PRAG1: variants seen among roughly 807,000 people sequenced by gnomAD.
The protein encoded by PRAG1 is inactive tyrosine-protein kinase PRAG1.
Under a neutral mutation model 95.6 loss-of-function variants are expected in PRAG1, and 110 were observed. The observed-to-expected ratio is 1.15, with a 90% confidence interval of 0.99 to 1.35. The LOEUF (loss-of-function observed/expected upper bound fraction) is 1.35, where lower values mean the gene tolerates loss of function less well. PRAG1 is among the 40% of genes most tolerant of loss of function. PRAG1 has a pLI of 0.00. For synonymous variants in PRAG1, 1,052 were observed against 819.4 expected, an observed-to-expected ratio of 1.28 and a Z score of -4.85; for missense variants, 2,554 against 1,864.7, an observed-to-expected ratio of 1.37 and a Z score of -6.81.
At chr8:8,367,505 C>T (rs891482482) in intron 3 of PRAG1, among the ~76,000 whole-genome samples, 2 of 139,316 alleles carry the variant, frequency 1.4e-5, no homozygotes, top group Non-Finnish European at 3.1e-5. Context: ...AAAAGAATCG[C>T]GTTAAGTGAT....
chr8:8,380,405 A>G (rs1421065869), intron 2 of PRAG1, among the ~76,000 whole-genome samples: 1 of 151,744 alleles, frequency 6.6e-6, no homozygotes, highest in Non-Finnish European at 1.5e-5. Context: ...TAGAGACCAG[A>G]CTAGCCAACA....
chr8:8,384,249 G>A (rs1020249579), intron 1 of PRAG1, among the ~76,000 whole-genome samples: 1 of 152,024 alleles, frequency 6.6e-6, no homozygotes, highest in Admixed American at 6.6e-5. Flanking sequence ...TTGCGGAAGG[G>A]GTGACATTGG....
At chr8:8,372,867 G>T (rs1458230100) in intron 3 of PRAG1, among the ~76,000 whole-genome samples, 2 of 152,116 alleles carry the variant, frequency 1.3e-5, no homozygotes, top group South Asian at 4.1e-4. Flanking sequence ...ATCATTCCCC[G>T]TTCTTCCATA....
intron 3 of PRAG1, among the ~76,000 whole-genome samples, chr8:8,362,269 C>T (rs973824905): frequency 3.9e-5 from 6 of 152,218 alleles, no homozygotes; most frequent in African/African-American, 9.7e-5. Context: ...CCACTCCGTC[C>T]AGCAGGACTT....
At chr8:8,342,489 C>T (rs1324935901) in intron 3 of PRAG1, among the ~76,000 whole-genome samples, 1 of 152,120 alleles carries the variant, frequency 6.6e-6, no homozygotes, top group African/African-American at 2.4e-5. Flanking sequence ...AGCCACCGCG[C>T]CCGGCCTTAT....
At position 8,378,016 on chromosome 8, in the gene PRAG1, G is replaced by T. The variant is rs1413053067; in HGVS notation, c.393C>A (p.Val131=). The part of the protein sequence containing the change: ...PLPKQEDAPV[V]YLGSFRGVQK... ...GTACACCTCGGAAGCTGCCCAGGTA[G>T]ACGACGGGGGCATCCTCCTGCTTCG... The change falls in exon 3 of 6, where the codon GTC becomes GTA. Residue 131 remains valine, a synonymous_variant. Transcript: ENST00000615670. The T allele has an allele frequency of 1.3e-6, 2 of 1,583,246 alleles. No homozygotes were observed. The highest frequency in any genetic ancestry group is 1.7e-6 in the Non-Finnish European group (2 of 1,163,226).
chr8:8,350,881 G>C (rs1356463473), intron 3 of PRAG1, among the ~76,000 whole-genome samples: 1 of 151,446 alleles, frequency 6.6e-6, no homozygotes, highest in Non-Finnish European at 1.5e-5. Flanking sequence ...CATGTACATA[G>C]AAAGTGCTCG....
At chr8:8,371,548 C>G (rs1310678556) in intron 3 of PRAG1, among the ~76,000 whole-genome samples, 2 of 152,048 alleles carry the variant, frequency 1.3e-5, no homozygotes, top group African/African-American at 2.4e-5. Flanking sequence ...TGTGAGCCAC[C>G]GCGCCCGACC....
At chr8:8,323,080 CA>C (rs1359894081) in intron 5 of PRAG1, among the ~76,000 whole-genome samples, 2 of 152,122 alleles carry the variant, frequency 1.3e-5, no homozygotes, top group African/African-American at 4.8e-5. Context: ...AAATAGACTG[CA>C]AAAAATGACC....
intron 3 of PRAG1, among the ~76,000 whole-genome samples, chr8:8,353,321 T>A (rs1204093453): frequency 6.6e-6 from 1 of 152,152 alleles, no homozygotes; most frequent in Non-Finnish European, 1.5e-5. Context: ...AAACAAGTCT[T>A]ATAAATTCAG....
At chr8:8,339,757 A>AT in intron 3 of PRAG1, 122 bp from the exon 4 acceptor site, 2 of 962,484 alleles carry the variant, frequency 2.1e-6, no homozygotes, top group Non-Finnish European at 3.0e-6. Flanking sequence ...GTTTATTAAA[A>AT]GAAAAAAAAA....
intron 4 of PRAG1, among the ~76,000 whole-genome samples, chr8:8,332,743 T>C (rs1187834513): frequency 1.3e-5 from 2 of 148,826 alleles, no homozygotes; most frequent in African/African-American, 5.0e-5. Flanking sequence ...GTAGATGAAA[T>C]TGGTTTCTCC....
At chr8:8,357,907 T>C (rs1563245595) in intron 3 of PRAG1, among the ~76,000 whole-genome samples, 1 of 152,198 alleles carries the variant, frequency 6.6e-6, no homozygotes, top group African/African-American at 2.4e-5. Context: ...CCTCAGATCT[T>C]GTTAGTTGTC....
rs1798686495 is a variant in PRAG1 at position 8,327,957 on chromosome 8, A to C, written c.2825T>G (p.Leu942Arg). ...GSTQLQLHGLLSNISSKEGTY... is the reference protein window; with the variant it reads ...GSTQLQLHGLRSNISSKEGTY... The stretch of plus-strand genomic sequence containing the variant: ...GCCCTCCTTGCTGCTGATGTTGCTC[A>C]GGAGACCGTGCAGCTGAAGCTGGGT... Residue 942 changes from leucine to arginine, a missense_variant, in exon 5 of 6, where the codon CTG (leucine) becomes CGG (arginine). By Grantham distance (102) the Leu-to-Arg change is moderately radical (BLOSUM62 -2). Coordinates refer to ENST00000615670, the MANE Select transcript of PRAG1 (RefSeq NM_001080826.3). The C allele has an allele frequency of 6.2e-7, 1 of 1,610,124 alleles. No homozygotes were observed. The highest frequency in any genetic ancestry group is 8.5e-7 in the Non-Finnish European group (1 of 1,177,574).
chr8:8,376,196 G>C (rs758680949), intron 3 of PRAG1, 51 bp downstream of exon 3: 3 of 1,572,348 alleles, frequency 1.9e-6, no homozygotes, highest in Admixed American at 3.5e-5. Flanking sequence ...GTTTCTTCTG[G>C]AAGAGCCCTT....
intron 3 of PRAG1, among the ~76,000 whole-genome samples, chr8:8,354,243 G>C (rs1302948020): frequency 1.3e-5 from 2 of 152,040 alleles, no homozygotes; most frequent in Non-Finnish European, 2.9e-5. Flanking sequence ...AGCTTGAACA[G>C]ACCAGTAACA....
chr8:8,336,390 C>G (rs751593205), intron 4 of PRAG1, among the ~76,000 whole-genome samples: 2 of 152,186 alleles, frequency 1.3e-5, no homozygotes, highest in African/African-American at 4.8e-5. Context: ...AAACCTTCCC[C>G]TTGGCAGCCT....
At position 8,318,425 on chromosome 8, in the gene PRAG1, C is replaced by A. The variant is rs56115338; in HGVS notation, c.3950G>T (p.Arg1317Leu). 1.9e-6 allele frequency: 3 copies of A among 1,612,752 alleles called. No homozygotes were observed. Among genetic ancestry groups the A allele is most frequent in the Admixed American group, 1.7e-5 (1 of 59,974 alleles). Residue 1317 changes from arginine (R) to leucine (L), a missense_variant, in exon 6 of 6, where the codon CGC becomes CTC. Transcript: ENST00000615670. This position sits in a 1 kb window ranked among gnomAD's most constrained non-coding sequence, Gnocchi z 4.2. Reference protein sequence around the residue: ...LLEADPIKRIRIGEAKRVLQC... With the variant: ...LLEADPIKRILIGEAKRVLQC... ...CAGCACGCGCTTGGCCTCGCCGATG[C>A]GGATACGCTTGATGGGGTCGGCCTC...
At chr8:8,357,263 A>C (rs538992996) in intron 3 of PRAG1, among the ~76,000 whole-genome samples, 1 of 152,310 alleles carries the variant, frequency 6.6e-6, no homozygotes, top group South Asian at 2.1e-4. Context: ...GGATTGGGAG[A>C]ATATATTTCA....
Sources: allele counts gnomAD v4.1 joint callset (sites outside exome capture counted in the v4.1 genomes callset), GRCh38; gene constraint gnomAD v4.1.1; non-coding constraint Gnocchi (gnomAD v3.1); transcripts MANE v1.5; gene names NCBI Gene and HGNC (gene_info 2026-07-23, HGNC 2026-07-21).